Variants in ENO4 observed in about 807,000 individuals in gnomAD.
ENO4 encodes the protein enolase 4.
Under a neutral mutation model 63.2 loss-of-function variants are expected in ENO4, and 53 were observed. The observed-to-expected ratio is 0.84, with a 90% CI of 0.67 to 1.05. ENO4 has a LOEUF of 1.05. Among genes scored for constraint, ENO4 ranks in the 50% least tolerant of loss-of-function variants. ENO4 has a pLI of 0.00. For synonymous variants in ENO4, 266 were observed against 283.8 expected (o/e 0.94, Z 0.63); for missense variants, 719 against 772.0 (o/e 0.93, Z 0.81).
Position 116,855,693 on chromosome 10 carries a change from G to T in ENO4, c.236G>T (p.Gly79Val). The change falls in exon 2 of 14, where the codon GGA becomes GTA. Residue 79 changes from glycine to valine, a missense_variant. Coordinates refer to ENST00000341276, the MANE Select transcript of ENO4 (RefSeq NM_001242699.2). ...ATAGTGGGGAAAGACGTACTAGATG[G>T]ACTGGGGCTTCCAACCCTGCAAGTG... ...CKIVGKDVLD[G>V]LGLPTLQVDI... is the part of the protein sequence containing the mutation. 6.5e-7 allele frequency: 1 copy of T among 1,536,468 alleles called. No homozygotes were observed. Among genetic ancestry groups the T allele is most frequent in the Non-Finnish European group, 8.7e-7 (1 of 1,146,998 alleles).
chr10:116,900,435 C>A (rs968909681), intron 10 of ENO4: 15 of 1,097,148 alleles, frequency 1.4e-5, no homozygotes, highest in East Asian at 1.0e-4. Flanking sequence ...CTTGGGCCTG[C>A]AATTATTTCA....
chr10:116,905,191 A>G lies in ENO4; in HGVS notation c.1195-6308A>G, dbSNP rs1286099858. ...CAGTCCGCAGTCCAGCCTGGGCGAC[A>G]GAGCGAGACTCCGTCTCAAAAAAAA... On this transcript the variant is annotated intron_variant, in intron 10 of 10. Transcript: ENST00000369207. 2.7e-5 allele frequency among the ~76,000 whole-genome samples: 4 copies of G among 147,712 alleles called. No homozygotes were observed. The East Asian group carries it at 8.0e-4, about 30-fold the overall frequency.
At chr10:116,905,063 C>T (rs1277312441) in intron 10 of ENO4, among the ~76,000 whole-genome samples, 2 of 151,300 alleles carry the variant, frequency 1.3e-5, no homozygotes, top group Non-Finnish European at 2.9e-5. Context: ...TAGCCGGGCG[C>T]GGTGGCGGGC....
chr10:116,892,430 AC>A, intron 10 of ENO4, among the ~76,000 whole-genome samples: 1 of 152,330 alleles, frequency 6.6e-6, no homozygotes, highest in African/African-American at 2.4e-5. Flanking sequence ...ATAATTCTGC[AC>A]AACATTAAGT....
At chr10:116,874,651 T>C (rs1219322777) in intron 10 of ENO4, among the ~76,000 whole-genome samples, 1 of 152,164 alleles carries the variant, frequency 6.6e-6, no homozygotes, top group African/African-American at 2.4e-5. Context: ...CCAGTCACTA[T>C]ATATGCATAA....
rs1443771259 is a variant in ENO4 at position 116,880,127 on chromosome 10, A to G, written c.1723+141A>G. ...TAAGTGCTGACAAAACTAGGATGGC[A>G]CTTGCCACAATGTATATTGTTGTCT... On this transcript the variant is annotated intron_variant, in intron 13 of 13. Transcript: ENST00000341276. 7 of 592,550 alleles carry G rather than the reference A, an allele frequency of 1.2e-5. No individual in the cohort carries two copies. The African/African-American group carries it at 1.3e-4, about 11-fold the overall frequency. 36.7% of individuals were successfully genotyped at this position (592,550 alleles called of 1,614,324 possible).
chr10:116,909,491 T>TA (rs1331626513), intron 10 of ENO4, among the ~76,000 whole-genome samples: 1 of 152,194 alleles, frequency 6.6e-6, no homozygotes, highest in Non-Finnish European at 1.5e-5. Flanking sequence ...CACTGTCACT[T>TA]AGAGTGGCTT....
chr10:116,886,662 T>C, downstream of ENO4: 1 of 1,529,626 alleles, frequency 6.5e-7, no homozygotes, highest in Non-Finnish European at 8.9e-7. Context: ...AAACCCAAAA[T>C]GTTCTAAGTC....
At chr10:116,863,376 A>ACACG (rs1179065503) in intron 7 of ENO4, among the ~76,000 whole-genome samples, 1 of 151,624 alleles carries the variant, frequency 6.6e-6, no homozygotes, top group African/African-American at 2.4e-5. Context: ...ACACACACAC[A>ACACG]CACACACACA....
At chr10:116,856,144 A>C (rs1375814988) in intron 2 of ENO4, among the ~76,000 whole-genome samples, 1 of 152,212 alleles carries the variant, frequency 6.6e-6, no homozygotes, top group African/African-American at 2.4e-5. Context: ...AATTTTAACA[A>C]TTCGTTTTAA....
At chr10:116,857,104 G>A (rs748753348) in intron 3 of ENO4, among the ~76,000 whole-genome samples, 3 of 152,028 alleles carry the variant, frequency 2.0e-5, no homozygotes, top group Non-Finnish European at 4.4e-5. Flanking sequence ...TTTACAAAGC[G>A]TATGTGAAAG....
At chr10:116,876,039 T>C (rs1044774156) in intron 10 of ENO4, 26 bp from the exon 11 acceptor site, 33 of 1,468,696 alleles carry the variant, frequency 2.2e-5, no homozygotes, top group Admixed American at 1.7e-4. Context: ...TGCATTATAA[T>C]GATCAACTCT....
chr10:116,886,388 C>G (rs187245920), downstream of ENO4: 4 of 1,568,322 alleles, frequency 2.6e-6, no homozygotes, highest in East Asian at 9.4e-5. Flanking sequence ...TCAATGCTGT[C>G]TTCTTTGTTT....
At chr10:116,889,787 A>G (rs899099000) in intron 10 of ENO4, among the ~76,000 whole-genome samples, 3 of 152,122 alleles carry the variant, frequency 2.0e-5, no homozygotes, top group Non-Finnish European at 2.9e-5. Flanking sequence ...ATCCGTTTCC[A>G]TCTCCATCTT....
chr10:116,896,418 T>A lies in ENO4; in HGVS notation c.1195-15081T>A, dbSNP rs531463888. Among the ~76,000 whole-genome samples, 4 of 152,024 alleles carry A rather than the reference T, an allele frequency of 2.6e-5. No homozygotes were observed. In the South Asian group the frequency reaches 8.3e-4, roughly 32 times the overall value. On this transcript the variant is annotated intron_variant, in intron 10 of 10. Coordinates refer to the ENO4 transcript ENST00000369207. The stretch of plus-strand genomic sequence containing the variant: ...GTGGGACTAGTCAACCTAGCTGGGG[T>A]GAAAGAAGGAAGGCTAGGCCCCAAC...
intron 10 of ENO4, among the ~76,000 whole-genome samples, chr10:116,911,286 T>C (rs543918434): frequency 6.6e-6 from 1 of 151,944 alleles, no homozygotes; most frequent in Non-Finnish European, 1.5e-5. Flanking sequence ...ACTAGTAACA[T>C]AAAAAAAGGG....
intron 11 of ENO4, 49 bp from the exon 12 acceptor site, chr10:116,879,242 T>C (rs1022258009): frequency 1.5e-6 from 2 of 1,357,126 alleles, no homozygotes; most frequent in Non-Finnish European, 2.0e-6. Context: ...GGCCCACATG[T>C]ATCCTAACTT....
intron 10 of ENO4, among the ~76,000 whole-genome samples, chr10:116,910,638 C>G (rs1267006206): frequency 4.6e-5 from 7 of 152,126 alleles, no homozygotes. Context: ...TCACTGTTGG[C>G]CAGAACTGTG....
chr10:116,860,880 G>T lies in ENO4; in HGVS notation c.721G>T (p.Val241Leu). Reference sequence around the variant, plus strand: ...CAGTGGCAGTATGGCCATAGGGGCCGTGTCACTAGCTGTTGCCAAAGCCTG... The same window carrying T: ...CAGTGGCAGTATGGCCATAGGGGCCTTGTCACTAGCTGTTGCCAAAGCCTG... ...VLSGSMAIGA[V>L]SLAVAKACAM... The change falls in exon 5 of 14, where the codon GTG (valine) becomes TTG (leucine). Residue 241 changes from valine to leucine, a missense_variant. Transcript: ENST00000341276. 1.3e-6 allele frequency: 2 copies of T among 1,549,830 alleles called. No homozygotes were observed. The highest frequency in any genetic ancestry group is 8.7e-7 in the Non-Finnish European group (1 of 1,146,410).
Sources: gnomAD v4.1 joint callset for allele counts (sites outside exome capture counted in the v4.1 genomes callset) on GRCh38, gnomAD v4.1.1 for gene constraint, MANE v1.5 for transcripts, NCBI Gene and HGNC (gene_info 2026-07-23, HGNC 2026-07-21) for gene names.